Variants in CPNE4 observed in about 807,000 individuals in gnomAD.
The protein encoded by CPNE4 is copine-4.
A neutral mutation model predicts 67.9 loss-of-function variants in CPNE4; 25 were observed. The ratio of observed to expected loss-of-function variants is 0.37; its 90% confidence interval spans 0.27 to 0.51. The LOEUF is 0.51. Ranked by LOEUF, CPNE4 falls within the 20% of genes least tolerant of loss-of-function variation. The probability of loss-of-function intolerance (pLI) is 0.93; values close to 1 mark genes in which losing one functional copy is unlikely to be tolerated. For synonymous variants in CPNE4, 242 were observed against 244.9 expected (o/e 0.99, Z 0.11); for missense variants, 464 against 690.8 (o/e 0.67, Z 3.68).
chr3:131,794,791 T>A (rs1453859978), intron 2 of CPNE4, among the ~76,000 whole-genome samples: 1 of 152,168 alleles, frequency 6.6e-6, no homozygotes, highest in African/African-American at 2.4e-5. Context: ...TACTAGGTAG[T>A]TGAGTACCAG....
At chr3:131,941,197 T>G (rs904086585) in intron 1 of CPNE4, among the ~76,000 whole-genome samples, 7 of 152,088 alleles carry the variant, frequency 4.6e-5, no homozygotes, top group African/African-American at 1.7e-4. Context: ...ATACAACCAT[T>G]AATAATACTT....
intron 3 of CPNE4, among the ~76,000 whole-genome samples, chr3:131,701,503 A>G (rs1313796659): frequency 3.3e-5 from 5 of 152,194 alleles, no homozygotes; most frequent in Admixed American, 2.0e-4. Context: ...TCTTATCACT[A>G]TCTTATATCT....
intron 2 of CPNE4, among the ~76,000 whole-genome samples, chr3:131,869,507 AAGCCCATTAGTT>A (rs1239417456): frequency 6.6e-6 from 1 of 152,192 alleles, no homozygotes; most frequent in African/African-American, 2.4e-5. Flanking sequence ...GAGATGGCTG[AAGCCCATTAGTT>A]AGCTCAGCTT....
At chr3:131,578,351 G>T (rs1174794561) in intron 9 of CPNE4, among the ~76,000 whole-genome samples, 2 of 152,076 alleles carry the variant, frequency 1.3e-5, no homozygotes, top group African/African-American at 4.8e-5. Context: ...GATAAGTGTT[G>T]TGTGTGTTCT....
chr3:131,679,349 T>C (rs1583009560), intron 6 of CPNE4, among the ~76,000 whole-genome samples: 1 of 152,066 alleles, frequency 6.6e-6, no homozygotes, highest in South Asian at 2.1e-4. Flanking sequence ...TAGCTAGTGG[T>C]CTACTATAAT....
chr3:131,760,786 A>C (rs2082866769), intron 2 of CPNE4, among the ~76,000 whole-genome samples: 1 of 152,192 alleles, frequency 6.6e-6, no homozygotes, highest in Admixed American at 6.5e-5. Flanking sequence ...TTAAAAGGGC[A>C]ATTTGGAAAC....
At position 131,633,262 on chromosome 3, in the gene CPNE4, C is replaced by G. The variant is rs2079281297; in HGVS notation, c.681+36413G>C. 3.9e-5 allele frequency among the ~76,000 whole-genome samples: 6 copies of G among 152,268 alleles called. No homozygotes were observed. In the South Asian group the frequency reaches 1.2e-3, roughly 32 times the overall value. Reference sequence around the variant, plus strand: ...TGCCTGAATTATTGCAATTAGCTTTCTATCTGGTCTCTTTGCTTCCATCAT... The same window carrying G: ...TGCCTGAATTATTGCAATTAGCTTTGTATCTGGTCTCTTTGCTTCCATCAT... On this transcript the variant is annotated intron_variant, in intron 7 of 15. Coordinates refer to ENST00000429747, the MANE Select transcript of CPNE4 (RefSeq NM_130808.3).
At chr3:131,891,456 T>C (rs1265781017) in intron 2 of CPNE4, among the ~76,000 whole-genome samples, 1 of 152,082 alleles carries the variant, frequency 6.6e-6, no homozygotes, top group East Asian at 1.9e-4. Context: ...GGGGTACACA[T>C]GCAGGTTTGT....
intron 2 of CPNE4, among the ~76,000 whole-genome samples, chr3:131,843,382 T>A (rs897456354): frequency 1.3e-5 from 2 of 152,210 alleles, no homozygotes; most frequent in Non-Finnish European, 2.9e-5. Flanking sequence ...TTATAGGAGC[T>A]GTCATCTCTT....
At chr3:131,845,188 T>C (rs2085949062) in intron 2 of CPNE4, among the ~76,000 whole-genome samples, 1 of 152,236 alleles carries the variant, frequency 6.6e-6, no homozygotes, top group Non-Finnish European at 1.5e-5. Context: ...TCTGACTATA[T>C]GTGGCTGTTG....
chr3:131,921,232 G>A (rs1217509735), intron 1 of CPNE4, among the ~76,000 whole-genome samples: 5 of 150,672 alleles, frequency 3.3e-5, no homozygotes, highest in Non-Finnish European at 7.3e-5. Flanking sequence ...ACCAGAGTAC[G>A]TTCTTTAACT....
chr3:131,818,844 G>A (rs554793925), intron 2 of CPNE4, among the ~76,000 whole-genome samples: 1 of 152,324 alleles, frequency 6.6e-6, no homozygotes, highest in South Asian at 2.1e-4. Flanking sequence ...GCTCATGCCT[G>A]TAATCCCAGC....
At chr3:131,868,266 T>G (rs2087043212) in intron 2 of CPNE4, among the ~76,000 whole-genome samples, 1 of 152,176 alleles carries the variant, frequency 6.6e-6, no homozygotes, top group South Asian at 2.1e-4. Flanking sequence ...CAGTTAGGCG[T>G]GACACCTCTC....
At chr3:131,593,666 T>C (rs1938669179) in intron 7 of CPNE4, among the ~76,000 whole-genome samples, 1 of 152,172 alleles carries the variant, frequency 6.6e-6, no homozygotes, top group Non-Finnish European at 1.5e-5. Flanking sequence ...TATTTTATCT[T>C]CCCTAATTGC....
At chr3:131,968,919 C>G (rs1489138393) in intron 1 of CPNE4, among the ~76,000 whole-genome samples, 2 of 152,058 alleles carry the variant, frequency 1.3e-5, no homozygotes, top group Admixed American at 1.3e-4. Context: ...ATGTTTATTG[C>G]AGCACTATTC....
chr3:131,745,404 C>T (rs960634234), intron 2 of CPNE4, among the ~76,000 whole-genome samples: 2 of 152,016 alleles, frequency 1.3e-5, no homozygotes, highest in Non-Finnish European at 2.9e-5. Context: ...CTTTTGCAGA[C>T]CAAAGCTTTA....
chr3:132,008,854 A>C (rs1236575002), intron 1 of CPNE4, among the ~76,000 whole-genome samples: 1 of 152,246 alleles, frequency 6.6e-6, no homozygotes, highest in Non-Finnish European at 1.5e-5. Context: ...CATTATTATA[A>C]AAATTCACAG....
At chr3:131,759,963 A>T (rs1460341206) in intron 2 of CPNE4, among the ~76,000 whole-genome samples, 1 of 152,208 alleles carries the variant, frequency 6.6e-6, no homozygotes, top group Non-Finnish European at 1.5e-5. Context: ...GTTTTATAGG[A>T]TCAGCTCCAG....
chr3:132,015,872 T>C (rs2073879434), intron 1 of CPNE4, among the ~76,000 whole-genome samples: 1 of 152,224 alleles, frequency 6.6e-6, no homozygotes, highest in Admixed American at 6.5e-5. Context: ...GTCATTTCCA[T>C]AAAAGATTCA....
Sources: gnomAD v4.1 joint callset for allele counts (sites outside exome capture counted in the v4.1 genomes callset) on GRCh38, gnomAD v4.1.1 for gene constraint, MANE v1.5 for transcripts, NCBI Gene and HGNC (gene_info 2026-07-23, HGNC 2026-07-21) for gene names.